Variants in CNTNAP4 observed in about 807,000 individuals in gnomAD.
The protein encoded by CNTNAP4 is contactin-associated protein-like 4.
Under a neutral mutation model 148.4 loss-of-function variants are expected in CNTNAP4, and 98 were observed. The ratio of observed to expected loss-of-function variants is 0.66; its 90% CI spans 0.56 to 0.78. The LOEUF (loss-of-function observed/expected upper bound fraction) is 0.78. CNTNAP4 is among the 30% of genes least tolerant of loss of function. CNTNAP4 has a pLI of 0.00. For synonymous variants in CNTNAP4, 730 were observed against 565.1 expected, an observed-to-expected ratio of 1.29 and a Z score of -4.14; for missense variants, 1,935 against 1,565.6, an observed-to-expected ratio of 1.24 and a Z score of -3.98.
intron 1 of CNTNAP4, among the ~76,000 whole-genome samples, chr16:76,297,540 T>C (rs1433490487): frequency 6.6e-6 from 1 of 152,194 alleles, no homozygotes; most frequent in African/African-American, 2.4e-5. Context: ...TAATTTTATT[T>C]GATTTACTTG....
chr16:76,439,788 AG>A (rs2079967451), intron 4 of CNTNAP4, among the ~76,000 whole-genome samples: 1 of 152,046 alleles, frequency 6.6e-6, no homozygotes, highest in South Asian at 2.1e-4. Context: ...TATTAATTTT[AG>A]TTGTTTTAAA....
At chr16:76,294,489 A>G (rs1020843638) in intron 1 of CNTNAP4, among the ~76,000 whole-genome samples, 2 of 152,218 alleles carry the variant, frequency 1.3e-5, no homozygotes, top group Non-Finnish European at 2.9e-5. Context: ...GTACTCTGTA[A>G]TAGCACACTT....
At chr16:76,499,559 A>AT (rs1236313080) in intron 15 of CNTNAP4, among the ~76,000 whole-genome samples, 40 of 151,206 alleles carry the variant, frequency 2.6e-4, no homozygotes, top group Admixed American at 5.9e-4. Context: ...TTATTTATTT[A>AT]TTTATTTATT....
intron 12 of CNTNAP4, among the ~76,000 whole-genome samples, chr16:76,480,913 T>C (rs566268288): frequency 1.3e-5 from 2 of 152,152 alleles, no homozygotes; most frequent in South Asian, 4.2e-4. Flanking sequence ...AAATTATGAG[T>C]AAATACACAG....
chr16:76,368,631 A>T (rs1056264456), intron 3 of CNTNAP4, among the ~76,000 whole-genome samples: 1 of 152,038 alleles, frequency 6.6e-6, no homozygotes, highest in African/African-American at 2.4e-5. Flanking sequence ...ATGAGAACAT[A>T]TGGGCACAGG....
chr16:76,443,292 T>C (rs1238435590), intron 4 of CNTNAP4, among the ~76,000 whole-genome samples: 1 of 152,212 alleles, frequency 6.6e-6, no homozygotes, highest in African/African-American at 2.4e-5. Context: ...CAAATTTTGT[T>C]AACTTCAGAT....
chr16:76,377,410 G>A (rs2015530795), intron 3 of CNTNAP4, among the ~76,000 whole-genome samples: 1 of 152,122 alleles, frequency 6.6e-6, no homozygotes, highest in African/African-American at 2.4e-5. Flanking sequence ...AAATAAAAAT[G>A]GAATGATGGA....
intron 15 of CNTNAP4, among the ~76,000 whole-genome samples, chr16:76,516,257 G>A (rs2083249273): frequency 6.6e-6 from 1 of 152,148 alleles, no homozygotes; most frequent in Non-Finnish European, 1.5e-5. Flanking sequence ...CCACGTCCCT[G>A]CAAAGGACAT....
intron 12 of CNTNAP4, among the ~76,000 whole-genome samples, chr16:76,488,690 TC>T (rs1375985281): frequency 2.6e-5 from 4 of 152,214 alleles, no homozygotes. Context: ...CTGACAACTT[TC>T]ACTCTGTTTT....
chr16:76,487,561 C>T (rs2082071227), intron 12 of CNTNAP4, among the ~76,000 whole-genome samples: 1 of 152,122 alleles, frequency 6.6e-6, no homozygotes, highest in Admixed American at 6.5e-5. Context: ...TCAGAGATTT[C>T]CAGATTAATG....
intron 15 of CNTNAP4, among the ~76,000 whole-genome samples, chr16:76,520,677 A>G (rs2083419861): frequency 1.3e-5 from 2 of 152,178 alleles, no homozygotes; most frequent in South Asian, 2.1e-4. Flanking sequence ...AAAACAGTTT[A>G]TGTAACTCTG....
At chr16:76,451,943 C>G (rs531342202) in intron 7 of CNTNAP4, among the ~76,000 whole-genome samples, 4 of 152,214 alleles carry the variant, frequency 2.6e-5, no homozygotes, top group African/African-American at 7.2e-5. Context: ...TCCCAATTAT[C>G]CCGATTTGCT....
chr16:76,368,370 G>A (rs1352889080), intron 3 of CNTNAP4, among the ~76,000 whole-genome samples: 1 of 152,138 alleles, frequency 6.6e-6, no homozygotes, highest in African/African-American at 2.4e-5. Context: ...AAAGATACAT[G>A]CACACGTATG....
chr16:76,385,547 A>AGTGTGT (rs3035895), intron 3 of CNTNAP4, among the ~76,000 whole-genome samples: 3,007 of 148,972 alleles, frequency 0.02, 95 homozygotes, highest in African/African-American at 0.069. Context: ...TTTAATTAGA[A>AGTGTGT]GTGTGTGTGT....
intron 14 of CNTNAP4, 124 bp downstream of exon 14, chr16:76,495,190 G>A: frequency 2.8e-6 from 3 of 1,069,390 alleles, no homozygotes; most frequent in Non-Finnish European, 2.7e-6. Flanking sequence ...ATAAAGGTTT[G>A]TTTTAATGAA....
intron 2 of CNTNAP4, among the ~76,000 whole-genome samples, chr16:76,331,370 A>G (rs1215141131): frequency 6.6e-6 from 1 of 151,704 alleles, no homozygotes; most frequent in Non-Finnish European, 1.5e-5. Context: ...TGTATTTTTT[A>G]GTAGAGGCAG....
At chr16:76,519,038 G>C (rs1226271855) in intron 15 of CNTNAP4, among the ~76,000 whole-genome samples, 1 of 152,070 alleles carries the variant, frequency 6.6e-6, no homozygotes, top group African/African-American at 2.4e-5. Flanking sequence ...CCAGATTCTG[G>C]TGGGTGTCTC....
Position 76,558,893 on chromosome 16 carries a change from T to C in CNTNAP4, c.*210T>C. The C allele has an allele frequency of 2.4e-6, 1 of 414,930 alleles. No individual in the cohort carries two copies. The highest frequency in any genetic ancestry group is 4.3e-6 in the Non-Finnish European group (1 of 234,628). 25.7% of individuals were successfully genotyped at this position (414,930 alleles called of 1,614,324 possible). ...TCATTCTATGGAACAAGAAATTAGA[T>C]ATTGCTGTTAATTTTCAACTGTTCT... On this transcript the variant is annotated 3_prime_UTR_variant, in exon 24 of 24. Coordinates refer to ENST00000611870, the MANE Select transcript of CNTNAP4 (RefSeq NM_033401.5).
At chr16:76,542,303 C>G (rs1336094497) in intron 21 of CNTNAP4, among the ~76,000 whole-genome samples, 2 of 152,194 alleles carry the variant, frequency 1.3e-5, no homozygotes, top group African/African-American at 4.8e-5. Flanking sequence ...GGGTATGTAA[C>G]TATCTAGCTC....
Sources: allele counts gnomAD v4.1 joint callset (sites outside exome capture counted in the v4.1 genomes callset), GRCh38; gene constraint gnomAD v4.1.1; transcripts MANE v1.5; gene names NCBI Gene and HGNC (gene_info 2026-07-23, HGNC 2026-07-21).